RASEF: variants seen among roughly 807,000 people sequenced by gnomAD.
The protein encoded by RASEF is ras and EF-hand domain-containing protein.
Under a neutral mutation model 90.1 loss-of-function variants are expected in RASEF, and 68 were observed. The observed-to-expected ratio is 0.75, with a 90% CI of 0.62 to 0.92. The LOEUF is 0.92. Ranked by LOEUF, RASEF falls within the 40% of genes least tolerant of loss-of-function variation. RASEF has a pLI of 0.00. For synonymous variants in RASEF, 331 were observed against 345.2 expected, an observed-to-expected ratio of 0.96 and a Z score of 0.46; for missense variants, 949 against 937.2, an observed-to-expected ratio of 1.01 and a Z score of -0.16.
chr9:83,032,823 C>T (rs894928116), intron 1 of RASEF, among the ~76,000 whole-genome samples: 4 of 152,238 alleles, frequency 2.6e-5, no homozygotes, highest in Middle Eastern at 3.4e-3. Context: ...TTAAAGGTCA[C>T]GCACCCATTT....
the RASEF span, among the ~76,000 whole-genome samples, chr9:83,123,538 T>TA: frequency 3.4e-5 from 5 of 148,992 alleles, no homozygotes; most frequent in South Asian, 1.1e-3. Context: ...CAGCAAAAGA[T>TA]ACAGAATTGA....
At chr9:83,208,336 ACT>A in the RASEF span, among the ~76,000 whole-genome samples, 5 of 151,470 alleles carry the variant, frequency 3.3e-5, no homozygotes, top group African/African-American at 1.2e-4. Context: ...ATTCCTGGAA[ACT>A]CTCTGCATTT....
At chr9:83,169,384 CACACACACACA>C in the RASEF span, among the ~76,000 whole-genome samples, 2 of 124,396 alleles carry the variant, frequency 1.6e-5, no homozygotes, top group African/African-American at 5.8e-5. Context: ...CACACACACA[CACACACACACA>C]GGAGTGGGAT....
the RASEF span, among the ~76,000 whole-genome samples, chr9:83,165,369 A>G: frequency 6.6e-6 from 1 of 152,130 alleles, no homozygotes; most frequent in Non-Finnish European, 1.5e-5. Flanking sequence ...AGGAAATCCC[A>G]AGTCTCAGAG....
intron 1 of RASEF, 76 bp from the exon 2 acceptor site, chr9:83,025,997 A>T: frequency 9.3e-7 from 1 of 1,076,814 alleles, no homozygotes; most frequent in East Asian, 2.6e-5. Context: ...TTTAAGAAAG[A>T]GAAACATAAA....
the RASEF span, among the ~76,000 whole-genome samples, chr9:83,085,498 G>A: frequency 6.6e-6 from 1 of 152,110 alleles, no homozygotes; most frequent in Non-Finnish European, 1.5e-5. Flanking sequence ...GCCAGGCATG[G>A]TGGCTGCACA....
At chr9:82,994,239 C>T (rs1010353524) in intron 14 of RASEF, among the ~76,000 whole-genome samples, 11 of 152,142 alleles carry the variant, frequency 7.2e-5, no homozygotes, top group Admixed American at 7.2e-4. Context: ...CATTAATGCG[C>T]TCGTTAATTG....
At chr9:83,055,607 T>C in intron 1 of RASEF, 1 of 718,108 alleles carries the variant, frequency 1.4e-6, no homozygotes, top group Non-Finnish European at 2.6e-6. Context: ...CCTTCCTTTT[T>C]AGCCCATGAC....
the RASEF span, among the ~76,000 whole-genome samples, chr9:83,092,550 G>C: frequency 6.6e-6 from 1 of 152,152 alleles, no homozygotes; most frequent in African/African-American, 2.4e-5. Flanking sequence ...GGCTTCAGGA[G>C]TGAAGCTGCA....
chr9:83,047,289 C>G (rs1442124657), intron 1 of RASEF, among the ~76,000 whole-genome samples: 2 of 151,922 alleles, frequency 1.3e-5, no homozygotes, highest in African/African-American at 4.8e-5. Context: ...AAAGAAAAAA[C>G]GAAAAAGAAA....
chr9:83,124,940 T>G, the RASEF span, among the ~76,000 whole-genome samples: 1 of 152,112 alleles, frequency 6.6e-6, no homozygotes, highest in South Asian at 2.1e-4. Context: ...CAAGCCGAGG[T>G]GTTATGAAAA....
intron 1 of RASEF, among the ~76,000 whole-genome samples, chr9:83,045,236 TCTAA>T (rs767544200): frequency 7.2e-5 from 11 of 152,344 alleles, no homozygotes; most frequent in East Asian, 3.9e-4. Flanking sequence ...TCTGGAGAAC[TCTAA>T]CTAATACAAG....
At chr9:83,040,973 G>A (rs369160729) in intron 1 of RASEF, among the ~76,000 whole-genome samples, 4 of 152,134 alleles carry the variant, frequency 2.6e-5, no homozygotes, top group Non-Finnish European at 2.9e-5. Context: ...CGATTCTCCC[G>A]CCTCAGCCTC....
At chr9:83,086,062 TA>T in the RASEF span, among the ~76,000 whole-genome samples, 2 of 152,208 alleles carry the variant, frequency 1.3e-5, no homozygotes, top group Non-Finnish European at 2.9e-5. Flanking sequence ...TTTTTATCTT[TA>T]AAAAAACTTT....
chr9:83,115,329 A>T, the RASEF span, among the ~76,000 whole-genome samples: 4 of 152,204 alleles, frequency 2.6e-5, no homozygotes, highest in African/African-American at 9.6e-5. Context: ...CTTCAAGGGA[A>T]CTTGAACACA....
At chr9:83,061,903 A>C (rs1168627799) in intron 1 of RASEF, among the ~76,000 whole-genome samples, 1 of 152,264 alleles carries the variant, frequency 6.6e-6, no homozygotes, top group Non-Finnish European at 1.5e-5. Context: ...TGAAAATTAA[A>C]TGCGTGAACT....
the RASEF span, among the ~76,000 whole-genome samples, chr9:83,096,705 T>A: frequency 2.0e-5 from 3 of 152,072 alleles, no homozygotes; most frequent in Admixed American, 2.0e-4. Context: ...TATGTATACA[T>A]GTGCCATGTT....
At chr9:83,213,910 G>T in the RASEF span, among the ~76,000 whole-genome samples, 1 of 152,120 alleles carries the variant, frequency 6.6e-6, no homozygotes, top group South Asian at 2.1e-4. Flanking sequence ...CCAGCAGGTG[G>T]TACAGCACAT....
chr9:82,997,055 T>C lies in RASEF; in HGVS notation c.1877A>G (p.Glu626Gly). The C allele has an allele frequency of 6.2e-7, 1 of 1,613,032 alleles. No homozygotes were observed. The highest frequency in any genetic ancestry group is 8.5e-7 in the Non-Finnish European group (1 of 1,179,032). ...GVLLLYDVTC[E>G]KSFLNIREWV... is the part of the protein sequence containing the mutation. ...TTCTCGTATGTTAAGAAAGCTTTTC[T>C]CACATGTAACATCATACAGCAGCAA... Residue 626 changes from glutamate to glycine, a missense_variant, in exon 14 of 17, where the codon GAG becomes GGG. Transcript: ENST00000376447.
Sources: gnomAD v4.1 joint callset for allele counts (sites outside exome capture counted in the v4.1 genomes callset) on GRCh38, gnomAD v4.1.1 for gene constraint, MANE v1.5 for transcripts, NCBI Gene and HGNC (gene_info 2026-07-23, HGNC 2026-07-21) for gene names.